Variants in ZNF438 observed in about 807,000 individuals in gnomAD.
The protein encoded by ZNF438 is zinc finger protein 438.
A neutral mutation model predicts 38.0 loss-of-function variants in ZNF438; 25 were observed. The observed-to-expected ratio is 0.66, with a 90% CI of 0.48 to 0.92. The LOEUF is 0.92. Ranked by LOEUF, ZNF438 falls within the 40% of genes least tolerant of loss-of-function variation. The pLI is 0.00. For synonymous variants in ZNF438, 372 were observed against 364.1 expected (o/e 1.02, Z -0.25); for missense variants, 1,007 against 999.6 (o/e 1.01, Z -0.10).
At chr10:30,945,202 T>C (rs1158764174) in intron 1 of ZNF438, among the ~76,000 whole-genome samples, 2 of 152,040 alleles carry the variant, frequency 1.3e-5, no homozygotes, top group Admixed American at 6.6e-5. Flanking sequence ...GCTCTGTTAG[T>C]ATCAGGCTTA....
intron 1 of ZNF438, among the ~76,000 whole-genome samples, chr10:31,002,195 T>C (rs1378878268): frequency 1.3e-5 from 2 of 152,234 alleles, no homozygotes; most frequent in African/African-American, 4.8e-5. Flanking sequence ...ATAGAAGAGA[T>C]AACTCAAGGT....
intron 3 of ZNF438, among the ~76,000 whole-genome samples, chr10:30,879,134 C>T (rs554613939): frequency 1.3e-4 from 20 of 152,258 alleles, no homozygotes; most frequent in Admixed American, 5.2e-4. Context: ...AGTGAGGAAA[C>T]ACCCCAAGAC....
At chr10:30,877,591 A>G (rs1439300843) in intron 3 of ZNF438, among the ~76,000 whole-genome samples, 1 of 152,344 alleles carries the variant, frequency 6.6e-6, no homozygotes, top group South Asian at 2.1e-4. Context: ...CATTACAAAT[A>G]CACAAAAAAT....
chr10:30,963,460 A>G (rs2049760371), intron 1 of ZNF438, among the ~76,000 whole-genome samples: 1 of 151,718 alleles, frequency 6.6e-6, no homozygotes, highest in South Asian at 2.1e-4. Flanking sequence ...TATGATATTT[A>G]TCTATAGTGA....
chr10:30,924,723 A>T (rs1323905548), intron 2 of ZNF438, among the ~76,000 whole-genome samples: 1 of 152,232 alleles, frequency 6.6e-6, no homozygotes, highest in Admixed American at 6.5e-5. Context: ...CTTCAAAAGT[A>T]TCAAATCCCT....
chr10:30,885,144 G>T (rs1211790627), intron 3 of ZNF438, among the ~76,000 whole-genome samples: 5 of 151,904 alleles, frequency 3.3e-5, no homozygotes, highest in Non-Finnish European at 5.9e-5. Context: ...TAATAAATTT[G>T]GCCAGGATAA....
At chr10:30,874,776 G>A (rs553035162) in intron 4 of ZNF438, among the ~76,000 whole-genome samples, 4 of 150,958 alleles carry the variant, frequency 2.6e-5, no homozygotes, top group South Asian at 4.2e-4. Context: ...TTTATAAATT[G>A]TAAATTCTTA....
chr10:30,930,654 A>C (rs556210527), intron 2 of ZNF438, among the ~76,000 whole-genome samples: 16 of 149,850 alleles, frequency 1.1e-4, no homozygotes, highest in East Asian at 2.0e-4. Context: ...CACACACACA[A>C]AAATTAGCCG....
chr10:30,970,868 T>C (rs1235339269), intron 1 of ZNF438, among the ~76,000 whole-genome samples: 2 of 152,208 alleles, frequency 1.3e-5, no homozygotes, highest in African/African-American at 4.8e-5. Context: ...TCTGGGGTTG[T>C]CTGTTCCTCA....
intron 1 of ZNF438, among the ~76,000 whole-genome samples, chr10:31,031,420 T>C (rs887180008): frequency 7.9e-5 from 12 of 152,332 alleles, no homozygotes; most frequent in African/African-American, 2.2e-4. Flanking sequence ...GGCCAGGACA[T>C]AGGATTCCTA....
chr10:30,891,608 C>T (rs2134024521), intron 3 of ZNF438, among the ~76,000 whole-genome samples: 1 of 152,050 alleles, frequency 6.6e-6, no homozygotes, highest in South Asian at 2.1e-4. Context: ...GGTTTGGGGG[C>T]CTTTCAGATG....
intron 4 of ZNF438, among the ~76,000 whole-genome samples, chr10:30,863,126 G>C (rs1291199841): frequency 6.6e-6 from 1 of 152,214 alleles, no homozygotes; most frequent in Non-Finnish European, 1.5e-5. Context: ...CACAAGGGTG[G>C]ACAGCCACGG....
At chr10:30,965,384 C>CA (rs993527412) in intron 1 of ZNF438, among the ~76,000 whole-genome samples, 2 of 152,104 alleles carry the variant, frequency 1.3e-5, no homozygotes, top group Non-Finnish European at 2.9e-5. Flanking sequence ...GGAGAGTTCT[C>CA]AAAGAACTTA....
At chr10:30,925,114 A>G (rs531487092) in intron 2 of ZNF438, among the ~76,000 whole-genome samples, 59 of 152,336 alleles carry the variant, frequency 3.9e-4, no homozygotes, top group African/African-American at 1.4e-3. Flanking sequence ...TATATAGACA[A>G]TTAAGTCATT....
At chr10:30,945,583 T>C (rs1225914704) in intron 1 of ZNF438, among the ~76,000 whole-genome samples, 3 of 148,986 alleles carry the variant, frequency 2.0e-5, no homozygotes, top group Non-Finnish European at 4.5e-5. Context: ...CCCCAGAGTG[T>C]GATATTCCCC....
chr10:30,907,438 T>C (rs989785788), intron 3 of ZNF438, among the ~76,000 whole-genome samples: 1 of 152,266 alleles, frequency 6.6e-6, no homozygotes, highest in Non-Finnish European at 1.5e-5. Context: ...AAAGGATTGG[T>C]ATTAATTCTT....
chr10:30,969,140 A>T (rs553283866), intron 1 of ZNF438, among the ~76,000 whole-genome samples: 182 of 152,312 alleles, frequency 1.2e-3, no homozygotes, highest in African/African-American at 4.2e-3. Context: ...GGTTTGCCAC[A>T]GAGTAAGTCA....
intron 1 of ZNF438, among the ~76,000 whole-genome samples, chr10:30,949,003 A>C (rs2047808213): frequency 1.3e-5 from 2 of 152,178 alleles, no homozygotes; most frequent in African/African-American, 4.8e-5. Context: ...CCAGAGAGAA[A>C]GGTCGGGTTA....
intron 1 of ZNF438, among the ~76,000 whole-genome samples, chr10:30,955,315 A>T (rs1217503703): frequency 6.6e-6 from 1 of 152,196 alleles, no homozygotes; most frequent in African/African-American, 2.4e-5. Flanking sequence ...GATGGCCACA[A>T]ATGTTTTGAT....
Sources: allele counts gnomAD v4.1 joint callset (sites outside exome capture counted in the v4.1 genomes callset), GRCh38; gene constraint gnomAD v4.1.1; transcripts MANE v1.5; gene names NCBI Gene and HGNC (gene_info 2026-07-23, HGNC 2026-07-21).